Variants in CD37 observed in about 807,000 individuals in gnomAD.
CD37 encodes the protein leukocyte antigen CD37.
In CD37, 37 loss-of-function variants were observed where a neutral mutation model predicts 38.9. That is an observed-to-expected ratio of 0.95 (90% CI 0.73 to 1.25). The LOEUF (loss-of-function observed/expected upper bound fraction) is 1.25, where lower values mean the gene tolerates loss of function less well. Ranked by LOEUF, CD37 falls within the 50% of genes most tolerant of loss-of-function variation. The probability of loss-of-function intolerance (pLI) is 0.00; values close to 1 mark genes in which losing one functional copy is unlikely to be tolerated. For missense variants in CD37, 351 were observed against 360.1 expected, an observed-to-expected ratio of 0.97 and a Z score of 0.20; for synonymous variants, 146 against 150.1, an observed-to-expected ratio of 0.97 and a Z score of 0.20.
At chr19:49,336,135 A>T (rs992016178) in intron 2 of CD37, 2 of 319,432 alleles carry the variant, frequency 6.3e-6, no homozygotes, top group African/African-American at 4.2e-5. Flanking sequence ...TAACATTAAT[A>T]ATAGGAAAAT....
Position 49,339,463 on chromosome 19 carries a change from C to T in CD37, c.768+50C>T, listed in dbSNP as rs1389642632. On this transcript the variant is annotated intron_variant, in intron 7 of 7. Coordinates refer to ENST00000323906, the MANE Select transcript of CD37 (RefSeq NM_001774.3). This position sits in a 1 kb window ranked among gnomAD's most constrained non-coding sequence, Gnocchi z 4.5. Reference sequence around the variant, plus strand: ...CGATCGGCCCTAAATCCCTAGATGGCCCTGCCCTTCATTTCGCGTCCTTCG... The same window carrying T: ...CGATCGGCCCTAAATCCCTAGATGGTCCTGCCCTTCATTTCGCGTCCTTCG... 1.3e-6 allele frequency: 2 copies of T among 1,574,454 alleles called. No homozygotes were observed. The highest frequency in any genetic ancestry group is 1.7e-5 in the Admixed American group (1 of 59,806).
In CD37 at chr19:49,338,130, T is replaced by C. The variant is rs1971030292; in HGVS notation, c.447+101T>C. ...GTGGGCCCGACCCCCAGCTCTACGATCCTAACACACCCCAATCCCTCCCAG... is the reference window on the plus strand; with the variant it reads ...GTGGGCCCGACCCCCAGCTCTACGACCCTAACACACCCCAATCCCTCCCAG... On this transcript the variant is annotated intron_variant, in intron 5 of 7. Transcript: ENST00000323906. This position sits in a 1 kb window ranked among gnomAD's most constrained non-coding sequence, Gnocchi z 5.0. 3.0e-5 allele frequency: 45 copies of C among 1,509,610 alleles called. No individual in the cohort carries two copies. In the South Asian group the frequency reaches 5.4e-4, roughly 18 times the overall value. 93.5% of individuals were successfully genotyped at this position (1,509,610 alleles called of 1,614,324 possible). A position where few individuals can be genotyped will look rare whatever the true frequency, so the allele number is the denominator to read the frequency against.
In CD37 at chr19:49,339,377, C is replaced by T; in HGVS notation, c.732C>T (p.Ser244=). 3.7e-6 allele frequency: 6 copies of T among 1,614,088 alleles called. No individual in the cohort carries two copies. Among genetic ancestry groups the T allele is most frequent in the Non-Finnish European group, 5.1e-6 (6 of 1,179,988 alleles). Residue 244 remains serine (S), a synonymous_variant, in exon 7 of 8, where the codon TCC becomes TCT. Transcript: ENST00000323906. This position sits in a 1 kb window ranked among gnomAD's most constrained non-coding sequence, Gnocchi z 4.5. ...LQKWLHNNLI[S]IVGICLGVGL... ...AGTGGCTGCACAACAACCTTATTTC[C>T]ATAGTGGGCATTTGCCTGGGCGTCG...
rs1971031232 is a variant in CD37 at position 49,338,152 on chromosome 19, C to A, written c.447+123C>A. On this transcript the variant is annotated intron_variant, in intron 5 of 7. Transcript: ENST00000323906. This position sits in a 1 kb window ranked among gnomAD's most constrained non-coding sequence, Gnocchi z 5.0. ...CGATCCTAACACACCCCAATCCCTC[C>A]CAGGCCCGACGCTCCCCACTCCCCA... 6.8e-7 allele frequency: 1 copy of A among 1,464,436 alleles called. No individual in the cohort carries two copies. Among genetic ancestry groups the A allele is most frequent in the African/African-American group, 1.4e-5 (1 of 70,530 alleles). The allele number at this position is 1,464,436 out of a possible 1,614,324, so 90.7% of individuals were successfully genotyped here.
intron 4 of CD37, 128 bp downstream of exon 4, chr19:49,337,349 G>T: frequency 1.1e-6 from 1 of 938,000 alleles, no homozygotes; most frequent in Middle Eastern, 2.6e-4. Context: ...GAAATAAGAG[G>T]CTGGGCCTGG....
Position 49,335,756 on chromosome 19 carries a change from A to G in CD37, c.112A>G (p.Ile38Val), listed in dbSNP as rs1210877933. ...CTTCTGCTTCGGCATCTGGATCCTC[A>G]TTGACAAGACCAGCTTCGTGTCCTT... ...LIFCFGIWIL[I>V]DKTSFVSFVG... is the part of the protein sequence containing the mutation. The change falls in exon 2 of 8, where the codon ATT (isoleucine) becomes GTT (valine). Residue 38 changes from isoleucine to valine, a missense_variant. By Grantham distance (29) the Ile-to-Val change is conservative. Coordinates refer to ENST00000323906, the MANE Select transcript of CD37 (RefSeq NM_001774.3). The surrounding 1 kb of genome is among the most constrained non-coding windows in gnomAD (Gnocchi z 4.6). The G allele has an allele frequency of 1.2e-6, 2 of 1,612,982 alleles. No homozygotes were observed. Among genetic ancestry groups the G allele is most frequent in the Admixed American group, 1.7e-5 (1 of 59,994 alleles).
In CD37 at chr19:49,337,051, C is replaced by T; in HGVS notation, c.267+18C>T. ...TGGGCCTGGTGAGTGCACCATCCCT[C>T]TCCGTCCCTAGGAACACTCCTATCC... is the stretch of plus-strand genomic sequence containing the variant. On this transcript the variant is annotated intron_variant, in intron 3 of 7. Coordinates refer to ENST00000323906, the MANE Select transcript of CD37 (RefSeq NM_001774.3). 6.2e-7 allele frequency: 1 copy of T among 1,613,296 alleles called. No individual in the cohort carries two copies. Among genetic ancestry groups the T allele is most frequent in the Non-Finnish European group, 8.5e-7 (1 of 1,179,474 alleles).
chr19:49,337,407 G>A (rs1449781097), intron 4 of CD37, among the ~76,000 whole-genome samples, 186 bp downstream of exon 4: 1 of 152,168 alleles, frequency 6.6e-6, no homozygotes, highest in Non-Finnish European at 1.5e-5. Context: ...GGAGGCTGAG[G>A]TGGGAGTCCA....
rs770805141 is a variant in CD37 at position 49,335,719 on chromosome 19, C to T, written c.75C>T (p.Leu25=). 6.8e-6 allele frequency: 11 copies of T among 1,613,728 alleles called. No individual in the cohort carries two copies. Among genetic ancestry groups the T allele is most frequent in the South Asian group, 3.3e-5 (3 of 91,080 alleles). Residue 25 remains leucine, a synonymous_variant, in exon 2 of 8, where the codon CTC becomes CTT. Transcript: ENST00000323906. The surrounding 1 kb of genome is among the most constrained non-coding windows in gnomAD (Gnocchi z 4.6). The part of the protein sequence containing the change: ...LFVFNLFFFV[L]GSLIFCFGIW... ...TCCGCATCTCCTCTCCCCAGGTCCT[C>T]GGCAGCCTGATCTTCTGCTTCGGCA...
chr19:49,340,316 T>C lies in CD37; in HGVS notation c.834T>C (p.Ala278=). The change falls in exon 8 of 8, where the codon GCT becomes GCC. Residue 278 remains alanine (A), a synonymous_variant. Coordinates refer to ENST00000323906, the MANE Select transcript of CD37 (RefSeq NM_001774.3). ...RNLDHVYNRL[A]RYR ...TGGACCACGTCTACAACCGGCTCGC[T>C]CGATACCGTTAGGCCCCGCCCTCCC... 1 of 1,613,042 alleles carries C rather than the reference T, an allele frequency of 6.2e-7. No homozygotes were observed. The highest frequency in any genetic ancestry group is 8.5e-7 in the Non-Finnish European group (1 of 1,179,296).
Position 49,339,065 on chromosome 19 carries a change from CG to C in CD37, c.684+133del. 1 of 778,518 alleles carries C rather than the reference CG, an allele frequency of 1.3e-6. No homozygotes were observed. Among genetic ancestry groups the C allele is most frequent in the Non-Finnish European group, 2.1e-6 (1 of 480,262 alleles). 48.2% of individuals were successfully genotyped at this position (778,518 alleles called of 1,614,324 possible). The stretch of plus-strand genomic sequence containing the variant: ...AAAAGGAAAGGTACGGCAGGAGGGG[CG>C]GGGCCCTCTGAAGGGGGCGGGGTCT... On this transcript the variant is annotated intron_variant, in intron 6 of 7. Transcript: ENST00000323906. The surrounding 1 kb of genome is among the most constrained non-coding windows in gnomAD (Gnocchi z 4.5).
Position 49,338,723 on chromosome 19 carries a change from C to G in CD37, c.471C>G (p.Tyr157Ter), listed in dbSNP as rs1568550550. ...QFQLRCCGWH[Y>*]PQDWFQVLIL... is the part of the protein sequence containing the mutation. ...AGCTGCGCTGCTGCGGCTGGCACTA[C>G]CCGCAGGACTGGTTCCAAGTCCTCA... Residue 157 changes from tyrosine to a stop codon, truncating the protein, a stop_gained, in exon 6 of 8, where the codon TAC becomes TAG. Transcript: ENST00000323906. LOFTEE classifies it high-confidence loss of function. The surrounding 1 kb of genome is among the most constrained non-coding windows in gnomAD (Gnocchi z 5.0). 1.2e-6 allele frequency: 2 copies of G among 1,612,260 alleles called. No individual in the cohort carries two copies. Among genetic ancestry groups the G allele is most frequent in the Admixed American group, 1.7e-5 (1 of 60,028 alleles).
At chr19:49,337,483 GTGA>G in intron 4 of CD37, 1 of 617,976 alleles carries the variant, frequency 1.6e-6, no homozygotes, top group South Asian at 2.0e-5. Context: ...AAATCCGGGT[GTGA>G]TGGTGTGCAC....
At position 49,338,112 on chromosome 19, in the gene CD37, C is replaced by T. The variant is rs1457508190; in HGVS notation, c.447+83C>T. On this transcript the variant is annotated intron_variant, in intron 5 of 7. Coordinates refer to ENST00000323906, the MANE Select transcript of CD37 (RefSeq NM_001774.3). This position sits in a 1 kb window ranked among gnomAD's most constrained non-coding sequence, Gnocchi z 5.0. ...AGGAGACTCCACCCCAACGTGGGCC[C>T]GACCCCCAGCTCTACGATCCTAACA... The T allele has an allele frequency of 5.8e-6, 9 of 1,540,928 alleles. No homozygotes were observed. Among genetic ancestry groups the T allele is most frequent in the Non-Finnish European group, 7.9e-6 (9 of 1,142,804 alleles).
rs1971037895 is a variant in CD37, at chr19:49,338,280, C to A, written c.447+251C>A. 2 of 1,127,874 alleles carry A rather than the reference C, an allele frequency of 1.8e-6. No individual in the cohort carries two copies. Among genetic ancestry groups the A allele is most frequent in the African/African-American group, 1.6e-5 (1 of 62,988 alleles). The allele number at this position is 1,127,874 out of a possible 1,614,324, so 69.9% of individuals were successfully genotyped here. A position where few individuals can be genotyped will look rare whatever the true frequency, so the allele number is the denominator to read the frequency against. Reference sequence around the variant, plus strand: ...GACTCCGCCCCCGCCCCCGCCCCGACCAGAGGTTGTCAGGCCCCTAGTCCC... The same window carrying A: ...GACTCCGCCCCCGCCCCCGCCCCGAACAGAGGTTGTCAGGCCCCTAGTCCC... On this transcript the variant is annotated intron_variant, in intron 5 of 7. Coordinates refer to ENST00000323906, the MANE Select transcript of CD37 (RefSeq NM_001774.3). The surrounding 1 kb of genome is among the most constrained non-coding windows in gnomAD (Gnocchi z 5.0).
At position 49,339,711 on chromosome 19, in the gene CD37, A is replaced by G. The variant is rs1971131205; in HGVS notation, c.768+298A>G. Reference sequence around the variant, plus strand: ...TACAGCGCAGGGCACTCCGCCGGAAATGCGAGCCGCACGTGCCGGGCGCTG... The same window carrying G: ...TACAGCGCAGGGCACTCCGCCGGAAGTGCGAGCCGCACGTGCCGGGCGCTG... On this transcript the variant is annotated intron_variant, in intron 7 of 7. Transcript: ENST00000323906. The surrounding 1 kb of genome is among the most constrained non-coding windows in gnomAD (Gnocchi z 4.5). 1 of 1,402,264 alleles carries G rather than the reference A, an allele frequency of 7.1e-7. No individual in the cohort carries two copies. Among genetic ancestry groups the G allele is most frequent in the South Asian group, 1.7e-5 (1 of 60,164 alleles). 86.9% of individuals were successfully genotyped at this position (1,402,264 alleles called of 1,614,324 possible). A position where few individuals can be genotyped will look rare whatever the true frequency, so the allele number is the denominator to read the frequency against.
chr19:49,335,876 T>C lies in CD37; in HGVS notation c.142+90T>C. On this transcript the variant is annotated intron_variant, in intron 2 of 7. Coordinates refer to ENST00000323906, the MANE Select transcript of CD37 (RefSeq NM_001774.3). The surrounding 1 kb of genome is among the most constrained non-coding windows in gnomAD (Gnocchi z 4.6). The stretch of plus-strand genomic sequence containing the variant: ...TGTCTCAGGGAGACCTACGGTGCCC[T>C]ACTCTGCAGGCAGGCTACAGGCTCC... The C allele has an allele frequency of 9.5e-7, 1 of 1,058,018 alleles. No individual in the cohort carries two copies. Among genetic ancestry groups the C allele is most frequent in the South Asian group, 1.3e-5 (1 of 79,180 alleles). 65.5% of individuals were successfully genotyped at this position (1,058,018 alleles called of 1,614,324 possible).
chr19:49,338,355 A>G lies in CD37; in HGVS notation c.447+326A>G, dbSNP rs1971040608. 7.2e-6 allele frequency among the ~76,000 whole-genome samples: 1 copy of G among 138,564 alleles called. No individual in the cohort carries two copies. The highest frequency in any genetic ancestry group is 1.5e-5 in the Non-Finnish European group (1 of 65,556). The allele number at this position is 138,564 out of a possible 152,430, so 90.9% of individuals were successfully genotyped here. A position where few individuals can be genotyped will look rare whatever the true frequency, so the allele number is the denominator to read the frequency against. On this transcript the variant is annotated intron_variant, in intron 5 of 7. Coordinates refer to ENST00000323906, the MANE Select transcript of CD37 (RefSeq NM_001774.3). The surrounding 1 kb of genome is among the most constrained non-coding windows in gnomAD (Gnocchi z 5.0). ...CTACCCCGTAGTGACTCTGGCTTCCACCGGACCCCGCCCCCGATGAGACTC... is the reference window on the plus strand; with the variant it reads ...CTACCCCGTAGTGACTCTGGCTTCCGCCGGACCCCGCCCCCGATGAGACTC...
At chr19:49,337,653 G>A (rs990866636) in intron 4 of CD37, 1 of 1,515,922 alleles carries the variant, frequency 6.6e-7, no homozygotes, top group Non-Finnish European at 8.8e-7. Flanking sequence ...GACCAAGGGA[G>A]ACAGGCATAA....
Sources: allele counts gnomAD v4.1 joint callset (sites outside exome capture counted in the v4.1 genomes callset), GRCh38; gene constraint gnomAD v4.1.1; non-coding constraint Gnocchi (gnomAD v3.1); transcripts MANE v1.5; gene names NCBI Gene and HGNC (gene_info 2026-07-23, HGNC 2026-07-21).